The following SYT7 variants were observed in gnomAD, a reference collection of about 807,000 sequenced individuals.
The protein encoded by SYT7 is synaptotagmin 7.
Under a neutral mutation model 75.1 loss-of-function variants are expected in SYT7, and 29 were observed. The observed-to-expected ratio is 0.39, with a 90% CI of 0.29 to 0.53. The LOEUF is 0.53. Ranked by LOEUF, SYT7 falls within the 20% of genes least tolerant of loss-of-function variation. The pLI is 0.77. For synonymous variants in SYT7, 376 were observed against 401.7 expected, an observed-to-expected ratio of 0.94 and a Z score of 0.76; for missense variants, 693 against 953.2, an observed-to-expected ratio of 0.73 and a Z score of 3.59.
In SYT7 at chr11:61,533,066, C is replaced by T. The variant is rs750697898; in HGVS notation, c.1123G>A (p.Asp375Asn). The change falls in exon 8 of 13, where the codon GAT becomes AAT. Residue 375 changes from aspartate (D) to asparagine (N), a missense_variant. Asp to Asn is a conservative substitution (Grantham distance 23). This residue lies in a region of SYT7 where 487 missense variants were observed against 593.2 expected (regional missense o/e 0.82). Coordinates refer to ENST00000539008, the MANE Select transcript of SYT7 (RefSeq NM_001365809.2). ...TAPVPGQTPH[D>N]ESDRRTEPRS... ...GGCTCGGTCCGGCGGTCGGACTCAT[C>T]GTGGGGTGTCTGGCCTGGCACGGGG... 5 of 1,612,822 alleles carry T rather than the reference C, an allele frequency of 3.1e-6. No homozygotes were observed. The highest frequency in any genetic ancestry group is 2.7e-5 in the African/African-American group (2 of 74,916).
chr11:61,536,836 G>C (rs529966177), intron 7 of SYT7, among the ~76,000 whole-genome samples: 123 of 152,270 alleles, frequency 8.1e-4, no homozygotes, highest in African/African-American at 2.8e-3. Context: ...CAGCAGCCTG[G>C]GACAGTCCCT....
At chr11:61,558,505 T>TACACACACACACACACACACATAC (rs2063558255) in intron 1 of SYT7, among the ~76,000 whole-genome samples, 1 of 134,568 alleles carries the variant, frequency 7.4e-6, no homozygotes, top group Non-Finnish European at 1.6e-5. Context: ...CACACACACA[T>TACACACACACACACACACACATAC]ACACACACAC....
At chr11:61,539,366 C>T (rs1259202363) in intron 6 of SYT7, 1 of 152,146 alleles carries the variant, frequency 6.6e-6, no homozygotes, top group Non-Finnish European at 1.5e-5. Flanking sequence ...CGAGGTTACC[C>T]GCATTTGCCA....
rs550321037 is a variant in SYT7, at chr11:61,523,170, C to T, written c.1861G>A (p.Ala621Thr). The change falls in exon 12 of 13, where the codon GCC (alanine) becomes ACC (threonine). Residue 621 changes from alanine to threonine, a missense_variant. Coordinates refer to ENST00000539008, the MANE Select transcript of SYT7 (RefSeq NM_001365809.2). This position sits in a 1 kb window ranked among gnomAD's most constrained non-coding sequence, Gnocchi z 5.0. ...AGCTTCTCCGTGGGGATATCGAAGG[C>T]GAAGGACTCATTGAAGATGGGGTTC... ...NLNPIFNESFAFDIPTEKLRE... is the reference protein window; with the variant it reads ...NLNPIFNESFTFDIPTEKLRE... The T allele has an allele frequency of 1.8e-5, 29 of 1,614,132 alleles. No homozygotes were observed. In the South Asian group the frequency reaches 2.1e-4, roughly 12 times the overall value.
At chr11:61,533,674 G>A (rs2062779073) in intron 7 of SYT7, 4 of 985,440 alleles carry the variant, frequency 4.1e-6, no homozygotes, top group Non-Finnish European at 4.8e-6. Flanking sequence ...GGTGAGGTCA[G>A]GACAACTCTC....
intron 1 of SYT7, among the ~76,000 whole-genome samples, chr11:61,566,524 C>T (rs1237291790): frequency 6.6e-6 from 1 of 152,296 alleles, no homozygotes; most frequent in Middle Eastern, 3.4e-3. Context: ...GGAGTTAGCT[C>T]GGAACCTGAC....
Position 61,514,930 on chromosome 11 carries a change from G to A in SYT7, c.*3697C>T, listed in dbSNP as rs1278227253. Among the ~76,000 whole-genome samples, 10 of 152,288 alleles carry A rather than the reference G, an allele frequency of 6.6e-5. No individual in the cohort carries two copies. Among genetic ancestry groups the A allele is most frequent in the East Asian group, 5.8e-4 (3 of 5,184 alleles). ...TGGATGGTGGTGGGAAAGCTGGAGC[G>A]TCCCCCTTTGGTTTGTCTGAGCTGC... is the stretch of plus-strand genomic sequence containing the variant. On this transcript the variant is annotated 3_prime_UTR_variant, in exon 13 of 13. Transcript: ENST00000539008.
chr11:61,518,054 C>T lies in SYT7; in HGVS notation c.*573G>A, dbSNP rs924240230. 2 of 156,076 alleles carry T rather than the reference C, an allele frequency of 1.3e-5. No homozygotes were observed. Among genetic ancestry groups the T allele is most frequent in the South Asian group, 2.0e-4 (1 of 4,890 alleles). 9.7% of individuals were successfully genotyped at this position (156,076 alleles called of 1,614,324 possible). ...GCATTTCCAGGCCTCTGTCCCCACG[C>T]ACACACACAATGGACACAACACGAG... On this transcript the variant is annotated 3_prime_UTR_variant, in exon 13 of 13. Transcript: ENST00000539008.
intron 2 of SYT7, among the ~76,000 whole-genome samples, chr11:61,552,916 C>T (rs943876440): frequency 6.6e-6 from 1 of 152,198 alleles, no homozygotes; most frequent in African/African-American, 2.4e-5. Context: ...TTTCTGTTCA[C>T]TTACTTCAGC....
At chr11:61,574,630 G>A (rs1265955479) in intron 1 of SYT7, among the ~76,000 whole-genome samples, 2 of 151,750 alleles carry the variant, frequency 1.3e-5, no homozygotes, top group African/African-American at 2.4e-5. Context: ...TCCTTGGATG[G>A]GGGTCAGGGA....
At chr11:61,555,396 G>C (rs1038817763) in intron 2 of SYT7, among the ~76,000 whole-genome samples, 95 of 152,342 alleles carry the variant, frequency 6.2e-4, no homozygotes, top group African/African-American at 2.3e-3. Flanking sequence ...GCGGAGCAGC[G>C]GCTCGGGGAG....
At position 61,524,316 on chromosome 11, in the gene SYT7, C is replaced by A. The variant is rs774910409; in HGVS notation, c.1641+47G>T. ...AAGGGTCTGGGACCAGATCTCCCAG[C>A]CCTGCCCTGCTGCCTGTCCAGCTAA... On this transcript the variant is annotated intron_variant, in intron 10 of 12. Coordinates refer to ENST00000539008, the MANE Select transcript of SYT7 (RefSeq NM_001365809.2). The surrounding 1 kb of genome is among the most constrained non-coding windows in gnomAD (Gnocchi z 4.1). The A allele has an allele frequency of 5.6e-6, 9 of 1,605,136 alleles. No individual in the cohort carries two copies. The South Asian group carries it at 1.0e-4, about 18-fold the overall frequency.
chr11:61,518,817 C>G, intron 12 of SYT7, 86 bp from the exon 13 acceptor site: 4 of 971,662 alleles, frequency 4.1e-6, no homozygotes, highest in Non-Finnish European at 5.9e-6. Flanking sequence ...CCAACTCCAC[C>G]ATGATACCCT....
At chr11:61,537,549 G>A (rs969763643) in intron 7 of SYT7, among the ~76,000 whole-genome samples, 11 of 152,200 alleles carry the variant, frequency 7.2e-5, no homozygotes, top group South Asian at 2.1e-4. Flanking sequence ...TGCCTGCACC[G>A]CTCCGGGCCC....
chr11:61,562,025 C>T (rs371148724), intron 1 of SYT7, among the ~76,000 whole-genome samples: 3 of 151,422 alleles, frequency 2.0e-5, no homozygotes, highest in South Asian at 2.1e-4. Flanking sequence ...CGCATGCACA[C>T]ACACATGCAT....
At chr11:61,531,548 G>A (rs2062709196) in intron 8 of SYT7, among the ~76,000 whole-genome samples, 1 of 151,972 alleles carries the variant, frequency 6.6e-6, no homozygotes, top group Non-Finnish European at 1.5e-5. Context: ...GAGGCCCAAG[G>A]TGACCAGATC....
At chr11:61,574,860 C>T (rs776372137) in intron 1 of SYT7, among the ~76,000 whole-genome samples, 2 of 152,014 alleles carry the variant, frequency 1.3e-5, no homozygotes, top group South Asian at 2.1e-4. Flanking sequence ...AGGGCCCCGC[C>T]GGGAGCAGCT....
At chr11:61,552,398 G>A (rs1177109361) in intron 2 of SYT7, among the ~76,000 whole-genome samples, 1 of 152,042 alleles carries the variant, frequency 6.6e-6, no homozygotes, top group Non-Finnish European at 1.5e-5. Flanking sequence ...GGGGTTTGGG[G>A]CTGCCTCTCC....
intron 8 of SYT7, 26 bp from the exon 9 acceptor site, chr11:61,528,211 G>A: frequency 6.2e-7 from 1 of 1,603,594 alleles, no homozygotes; most frequent in Non-Finnish European, 8.5e-7. Context: ...AGGCCGGCAG[G>A]GTTTGGGGAG....
Sources: gnomAD v4.1 joint callset for allele counts (sites outside exome capture counted in the v4.1 genomes callset) on GRCh38, gnomAD v4.1.1 for gene constraint, gnomAD v4.1.1 regional missense constraint, Gnocchi (gnomAD v3.1) non-coding constraint, MANE v1.5 for transcripts, NCBI Gene and HGNC (gene_info 2026-07-23, HGNC 2026-07-21) for gene names.